XKR9: variants seen among roughly 807,000 people sequenced by gnomAD.
XKR9 encodes the protein XK related 9.
In XKR9, 32 loss-of-function variants were observed where a neutral mutation model predicts 32.0. The ratio of observed to expected loss-of-function variants is 1.00; its 90% CI spans 0.76 to 1.34. The LOEUF (loss-of-function observed/expected upper bound fraction) is 1.34. Among genes scored for constraint, XKR9 ranks in the 40% most tolerant of loss-of-function variants. The pLI, the probability that XKR9 is intolerant of heterozygous loss-of-function variation, is 0.00. For synonymous variants in XKR9, 168 were observed against 143.4 expected, an observed-to-expected ratio of 1.17 and a Z score of -1.22; for missense variants, 546 against 429.7, an observed-to-expected ratio of 1.27 and a Z score of -2.39.
At chr8:70,877,439 A>G in the XKR9 span, among the ~76,000 whole-genome samples, 4 of 152,262 alleles carry the variant, frequency 2.6e-5, no homozygotes, top group South Asian at 6.2e-4. Flanking sequence ...AGATTACATA[A>G]TTGAGGCCTA....
chr8:70,970,296 C>T, the XKR9 span, among the ~76,000 whole-genome samples: 6 of 151,976 alleles, frequency 3.9e-5, no homozygotes, highest in Non-Finnish European at 2.9e-5. Flanking sequence ...GATCTACTTT[C>T]AGTTCTGTTT....
chr8:70,937,041 C>T, the XKR9 span, among the ~76,000 whole-genome samples: 1 of 151,848 alleles, frequency 6.6e-6, no homozygotes, highest in South Asian at 2.1e-4. Flanking sequence ...TGAGAGGTTC[C>T]GGAATGGTGG....
the XKR9 span, among the ~76,000 whole-genome samples, chr8:70,997,087 C>T: frequency 6.6e-6 from 1 of 152,166 alleles, no homozygotes; most frequent in Non-Finnish European, 1.5e-5. Context: ...CACCTGAGGT[C>T]AGGAGTTTGA....
At chr8:70,744,548 C>T (rs963579737) in intron 2 of XKR9, among the ~76,000 whole-genome samples, 21 of 152,268 alleles carry the variant, frequency 1.4e-4, no homozygotes, top group Middle Eastern at 3.4e-3. Context: ...TTTTGTGAAA[C>T]CATGCTATCT....
At chr8:70,875,332 A>G in the XKR9 span, among the ~76,000 whole-genome samples, 1 of 152,324 alleles carries the variant, frequency 6.6e-6, no homozygotes, top group African/African-American at 2.4e-5. Flanking sequence ...CTGTTTAGGC[A>G]CATGACTTGC....
At chr8:70,702,735 T>C (rs1288736363) in intron 3 of XKR9, among the ~76,000 whole-genome samples, 1 of 152,184 alleles carries the variant, frequency 6.6e-6, no homozygotes, top group Non-Finnish European at 1.5e-5. Context: ...GGGATAGTAA[T>C]ATAGCCATAT....
In XKR9 at chr8:70,785,718, G is replaced by GCTCTCT. The variant is rs60417775; in HGVS notation, n.353-3604_353-3599dup. Among the ~76,000 whole-genome samples the GCTCTCT allele has an allele frequency of 3.6e-5, 5 of 137,436 alleles. No homozygotes were observed. The South Asian group carries it at 7.2e-4, about 20-fold the overall frequency. 90.2% of individuals were successfully genotyped at this position (137,436 alleles called of 152,430 possible). ...TGGTGTGTTGTATTTACTTTTTTTT[G>GCTCTCT]CTCTCTCTCTCTCTCTCTCTCTATA... On this transcript the variant is annotated intron_variant and non_coding_transcript_variant, in intron 2 of 3. Transcript: ENST00000520273.
At chr8:70,697,335 C>T (rs1181960289) in intron 3 of XKR9, among the ~76,000 whole-genome samples, 1 of 151,176 alleles carries the variant, frequency 6.6e-6, no homozygotes, top group African/African-American at 2.4e-5. Context: ...ATAGATAGCT[C>T]TTATTATTTT....
chr8:70,863,090 G>A, the XKR9 span, among the ~76,000 whole-genome samples: 1 of 152,104 alleles, frequency 6.6e-6, no homozygotes, highest in Non-Finnish European at 1.5e-5. Flanking sequence ...AAACTGTTGA[G>A]CGAGGTAGGA....
At chr8:70,820,779 A>G in the XKR9 span, among the ~76,000 whole-genome samples, 1 of 152,186 alleles carries the variant, frequency 6.6e-6, no homozygotes, top group Admixed American at 6.5e-5. Context: ...GAACTCGCTC[A>G]TTATCACATG....
chr8:70,904,717 A>C, the XKR9 span, among the ~76,000 whole-genome samples: 1,180 of 152,296 alleles, frequency 7.7e-3, 7 homozygotes, highest in Non-Finnish European at 0.014. Flanking sequence ...TACTAGCATC[A>C]ATGGTCTTTA....
the XKR9 span, among the ~76,000 whole-genome samples, chr8:70,943,307 G>A: frequency 2.0e-3 from 305 of 152,176 alleles, 3 homozygotes; most frequent in Non-Finnish European, 2.7e-3. Context: ...AATTTAATAA[G>A]TAGAGGACAA....
intron 3 of XKR9, among the ~76,000 whole-genome samples, chr8:70,699,949 A>G (rs918604932): frequency 1.3e-5 from 2 of 152,016 alleles, no homozygotes; most frequent in Non-Finnish European, 2.9e-5. Context: ...TCCATCACTG[A>G]TACCCTTTCT....
the XKR9 span, among the ~76,000 whole-genome samples, chr8:70,798,618 T>C: frequency 6.6e-6 from 1 of 152,216 alleles, no homozygotes. Context: ...TGTCATGGAA[T>C]CTTTGCCAGG....
intron 4 of XKR9, among the ~76,000 whole-genome samples, chr8:70,709,533 G>A (rs545648467): frequency 7.2e-5 from 11 of 152,240 alleles, no homozygotes; most frequent in Admixed American, 3.3e-4. Flanking sequence ...CAAACAATAT[G>A]ATTCTATACC....
At chr8:70,780,124 A>G (rs1807593951) in intron 2 of XKR9, among the ~76,000 whole-genome samples, 1 of 151,778 alleles carries the variant, frequency 6.6e-6, no homozygotes, top group African/African-American at 2.4e-5. Context: ...TTTAATCTCA[A>G]TATTAGTAAT....
chr8:70,847,126 A>T, the XKR9 span, among the ~76,000 whole-genome samples: 15 of 152,052 alleles, frequency 9.9e-5, no homozygotes, highest in African/African-American at 2.9e-4. Flanking sequence ...TTAAAAATTA[A>T]ATGTATACCA....
intron 4 of XKR9, among the ~76,000 whole-genome samples, chr8:70,727,217 CTTTG>C (rs1337105279): frequency 6.6e-6 from 1 of 151,680 alleles, no homozygotes; most frequent in Non-Finnish European, 1.5e-5. Flanking sequence ...CTGGAAGTCC[CTTTG>C]TTTATGTGTT....
At chr8:70,765,799 G>T (rs1807367491) in intron 2 of XKR9, among the ~76,000 whole-genome samples, 2 of 152,144 alleles carry the variant, frequency 1.3e-5, no homozygotes, top group Admixed American at 1.3e-4. Context: ...GTAAGGAAGG[G>T]GTCCAGTTTC....
Sources: gnomAD v4.1 joint callset for allele counts (sites outside exome capture counted in the v4.1 genomes callset) on GRCh38, gnomAD v4.1.1 for gene constraint, MANE v1.5 for transcripts, NCBI Gene and HGNC (gene_info 2026-07-23, HGNC 2026-07-21) for gene names.